Variants in GABRG3 observed in about 807,000 individuals in gnomAD.
GABRG3 encodes the protein gamma-aminobutyric acid receptor subunit gamma-3.
In GABRG3, 25 loss-of-function variants were observed where a neutral mutation model predicts 48.8. The observed-to-expected ratio is 0.51, with a 90% CI of 0.37 to 0.72. GABRG3 has a LOEUF of 0.72. GABRG3 is among the 30% of genes least tolerant of loss of function. The probability of loss-of-function intolerance (pLI) is 0.00; values close to 1 mark genes in which losing one functional copy is unlikely to be tolerated. For missense variants in GABRG3, 394 were observed against 577.9 expected (o/e 0.68, Z 3.26); for synonymous variants, 227 against 217.6 (o/e 1.04, Z -0.38).
At chr15:27,094,841 C>G (rs1897245945) in intron 3 of GABRG3, among the ~76,000 whole-genome samples, 1 of 151,966 alleles carries the variant, frequency 6.6e-6, no homozygotes, top group Non-Finnish European at 1.5e-5. Flanking sequence ...AGAAAAAATC[C>G]TAGATATTAC....
chr15:27,000,813 G>A (rs181759873), intron 2 of GABRG3, among the ~76,000 whole-genome samples: 113 of 152,282 alleles, frequency 7.4e-4, no homozygotes, highest in African/African-American at 2.5e-3. Context: ...TGAGCCAGTT[G>A]AACCTCTTTT....
chr15:27,332,083 CTG>C (rs1239410624), intron 5 of GABRG3, among the ~76,000 whole-genome samples: 1 of 152,198 alleles, frequency 6.6e-6, no homozygotes, highest in Non-Finnish European at 1.5e-5. Flanking sequence ...AATAATAACA[CTG>C]TCCTAATGAA....
chr15:26,972,368 A>G (rs1210726672), intron 1 of GABRG3, among the ~76,000 whole-genome samples: 1 of 152,218 alleles, frequency 6.6e-6, no homozygotes, highest in Non-Finnish European at 1.5e-5. Flanking sequence ...TGAGGATACA[A>G]GGACAGTGGG....
rs181127268 is a variant in GABRG3 at position 27,141,499 on chromosome 15, T to G, written c.270+114678T>G. Among the ~76,000 whole-genome samples, 3 of 152,288 alleles carry G rather than the reference T, an allele frequency of 2.0e-5. No individual in the cohort carries two copies. In the East Asian group the frequency reaches 5.8e-4, roughly 29 times the overall value. On this transcript the variant is annotated intron_variant, in intron 3 of 9. Transcript: ENST00000615808. The stretch of plus-strand genomic sequence containing the variant: ...TCTATTGCATCTTCTAGGAGACTCC[T>G]TCAGGAGATGCAAAGGAAAGCTGCC...
chr15:27,427,953 A>C (rs1888340104), intron 5 of GABRG3: 1 of 152,090 alleles, frequency 6.6e-6, no homozygotes. Flanking sequence ...TGCAAACATC[A>C]CTAACTCCAC....
At chr15:27,425,822 T>C (rs1392439234) in intron 5 of GABRG3, among the ~76,000 whole-genome samples, 1 of 152,124 alleles carries the variant, frequency 6.6e-6, no homozygotes, top group East Asian at 1.9e-4. Flanking sequence ...CTATTTTTAG[T>C]AAATTAGATA....
intron 3 of GABRG3, among the ~76,000 whole-genome samples, chr15:27,312,160 C>G (rs1003822462): frequency 6.6e-6 from 1 of 151,632 alleles, no homozygotes; most frequent in Non-Finnish European, 1.5e-5. Context: ...ATAACTCAGC[C>G]GAAAAATTCA....
chr15:27,390,913 A>G (rs1036194043), intron 5 of GABRG3, among the ~76,000 whole-genome samples: 3 of 152,114 alleles, frequency 2.0e-5, no homozygotes, highest in Non-Finnish European at 2.9e-5. Flanking sequence ...ACATGGTGCA[A>G]TGCCATCTCT....
intron 5 of GABRG3, among the ~76,000 whole-genome samples, chr15:27,407,914 G>C (rs1207441722): frequency 2.6e-5 from 4 of 152,164 alleles, no homozygotes; most frequent in African/African-American, 9.7e-5. Flanking sequence ...TGTTTGTCCA[G>C]ATCCATAGAA....
At chr15:27,507,828 T>C (rs1566872053) in intron 6 of GABRG3, among the ~76,000 whole-genome samples, 1 of 152,230 alleles carries the variant, frequency 6.6e-6, no homozygotes, top group African/African-American at 2.4e-5. Flanking sequence ...TTGCATCATA[T>C]ATTTTGAATC....
At chr15:27,058,241 C>A (rs535634423) in intron 3 of GABRG3, among the ~76,000 whole-genome samples, 33 of 152,156 alleles carry the variant, frequency 2.2e-4, no homozygotes, top group Non-Finnish European at 4.3e-4. Flanking sequence ...CAAGGAAGTC[C>A]AGGTGTTCCC....
intron 3 of GABRG3, among the ~76,000 whole-genome samples, chr15:27,252,275 G>T (rs1055297114): frequency 2.6e-5 from 4 of 152,170 alleles, no homozygotes; most frequent in Non-Finnish European, 4.4e-5. Flanking sequence ...CCTGTCCGAG[G>T]AGTTGCAGTC....
At chr15:27,174,997 A>G (rs1887701358) in intron 3 of GABRG3, among the ~76,000 whole-genome samples, 1 of 152,110 alleles carries the variant, frequency 6.6e-6, no homozygotes, top group African/African-American at 2.4e-5. Context: ...CTGAGCTAGG[A>G]AATACATATT....
At chr15:27,465,720 C>G (rs565749773) in intron 5 of GABRG3, among the ~76,000 whole-genome samples, 1 of 152,314 alleles carries the variant, frequency 6.6e-6, no homozygotes, top group South Asian at 2.1e-4. Context: ...TGCAAATTCA[C>G]CTCTAGGTAG....
intron 5 of GABRG3, among the ~76,000 whole-genome samples, chr15:27,335,114 G>C (rs944617418): frequency 3.9e-5 from 6 of 152,214 alleles, no homozygotes; most frequent in African/African-American, 1.4e-4. Flanking sequence ...ATGGGCACTT[G>C]GCTTGCTTTC....
At chr15:27,434,277 A>G (rs1258430941) in intron 5 of GABRG3, among the ~76,000 whole-genome samples, 1 of 152,214 alleles carries the variant, frequency 6.6e-6, no homozygotes, top group Non-Finnish European at 1.5e-5. Context: ...TGGTGGGACA[A>G]TGAACATTTA....
chr15:27,328,745 C>T (rs1008366156), intron 4 of GABRG3, 61 bp from the exon 5 acceptor site: 164 of 1,463,196 alleles, frequency 1.1e-4, no homozygotes, highest in Non-Finnish European at 7.4e-5. Context: ...GGTGCCGTAA[C>T]GGCCGCCGGC....
chr15:27,207,904 G>A (rs1404003079), intron 3 of GABRG3, among the ~76,000 whole-genome samples: 1 of 152,142 alleles, frequency 6.6e-6, no homozygotes, highest in African/African-American at 2.4e-5. Context: ...ACAGAAACAG[G>A]ACAACCAGGG....
intron 5 of GABRG3, among the ~76,000 whole-genome samples, chr15:27,393,528 G>A (rs1194643776): frequency 6.6e-6 from 1 of 151,922 alleles, no homozygotes; most frequent in Non-Finnish European, 1.5e-5. Flanking sequence ...ATATTTCTCT[G>A]TATACCCTTC....
Sources: gnomAD v4.1 joint callset for allele counts (sites outside exome capture counted in the v4.1 genomes callset) on GRCh38, gnomAD v4.1.1 for gene constraint, MANE v1.5 for transcripts, NCBI Gene and HGNC (gene_info 2026-07-23, HGNC 2026-07-21) for gene names.